Variants in CUBN observed in about 807,000 individuals in gnomAD.
CUBN encodes the protein 460 kDa receptor.
CUBN carries 282 observed loss-of-function variants against 405.3 expected under a neutral mutation model. The observed-to-expected ratio is 0.70, with a 90% CI of 0.63 to 0.77. The LOEUF is 0.77. CUBN is among the 30% of genes least tolerant of loss of function. The pLI, the probability that CUBN is intolerant of heterozygous loss-of-function variation, is 0.00. For missense variants in CUBN, 4,514 were observed against 4,475.2 expected (o/e 1.01, Z -0.25); for synonymous variants, 1,684 against 1,617.0 (o/e 1.04, Z -0.99).
At chr10:16,892,622 G>T (rs1841067981) in intron 54 of CUBN, among the ~76,000 whole-genome samples, 1 of 152,058 alleles carries the variant, frequency 6.6e-6, no homozygotes, top group African/African-American at 2.4e-5. Flanking sequence ...CTCCCAAGTA[G>T]CTGGGACTAC....
intron 6 of CUBN, among the ~76,000 whole-genome samples, chr10:17,117,086 T>C (rs908127043): frequency 3.3e-5 from 5 of 152,076 alleles, no homozygotes; most frequent in Non-Finnish European, 5.9e-5. Context: ...AAAATAACAA[T>C]AAATGATTAA....
intron 21 of CUBN, among the ~76,000 whole-genome samples, 154 bp from the exon 22 acceptor site, chr10:17,065,792 T>G (rs1445530783): frequency 6.6e-6 from 1 of 152,170 alleles, no homozygotes; most frequent in African/African-American, 2.4e-5. Flanking sequence ...CAAAAAAGAT[T>G]TGCAAACTTA....
In CUBN at chr10:16,831,356, G is replaced by A; in HGVS notation, c.10424C>T (p.Pro3475Leu). The A allele has an allele frequency of 1.2e-6, 2 of 1,613,946 alleles. No homozygotes were observed. Among genetic ancestry groups the A allele is most frequent in the Non-Finnish European group, 1.7e-6 (2 of 1,179,840 alleles). The stretch of plus-strand genomic sequence containing the variant: ...ATTATTTTGAGAGAAGACAGGGTTT[G>A]GCAGCAGAGTTCCACAGTACTTGCC... Reference protein sequence around the residue: ...LLGKYCGTLLPNPVFSQNNEL... With the variant: ...LLGKYCGTLLLNPVFSQNNEL... Residue 3475 changes from proline to leucine, a missense_variant, in exon 65 of 67, where the codon CCA (proline) becomes CTA (leucine). Pro to Leu is a moderately conservative substitution (Grantham distance 98). Coordinates refer to ENST00000377833, the MANE Select transcript of CUBN (RefSeq NM_001081.4).
chr10:17,072,477 T>C (rs1278649399), intron 17 of CUBN, among the ~76,000 whole-genome samples: 2 of 152,076 alleles, frequency 1.3e-5, no homozygotes, highest in Non-Finnish European at 2.9e-5. Context: ...CACACACCTA[T>C]TATCTGAGCA....
intron 61 of CUBN, 45 bp downstream of exon 61, chr10:16,840,840 T>C (rs1375258489): frequency 6.6e-7 from 1 of 1,512,620 alleles, no homozygotes; most frequent in Non-Finnish European, 9.2e-7. Flanking sequence ...AGTGCATAAA[T>C]ACATGTGTAT....
rs75668056 is a variant in CUBN, at chr10:17,020,311, G to T, written c.4018-328C>A. ...GCATTCACATATTAACAACACATAG[G>T]GGGGCTCAATGAATAGCAGCTATTA... On this transcript the variant is annotated intron_variant, in intron 27 of 66. Transcript: ENST00000377833. Among the ~76,000 whole-genome samples, 958 of 152,102 alleles carry T rather than the reference G, an allele frequency of 6.3e-3. 10 individuals are homozygous for T. The highest frequency in any genetic ancestry group is 0.021 in the African/African-American group (859 of 41,480).
intron 28 of CUBN, among the ~76,000 whole-genome samples, chr10:16,995,372 T>C (rs765616773): frequency 2.6e-5 from 4 of 152,256 alleles, no homozygotes; most frequent in Non-Finnish European, 5.9e-5. Context: ...CTTTCATCTA[T>C]AGCTGTATGA....
At chr10:16,969,048 C>T (rs978659365) in intron 31 of CUBN, among the ~76,000 whole-genome samples, 17 of 152,228 alleles carry the variant, frequency 1.1e-4, no homozygotes, top group Non-Finnish European at 1.5e-4. Flanking sequence ...TCCCTTTTCT[C>T]ATTATAGCAG....
chr10:17,100,084 A>T lies in CUBN; in HGVS notation c.1686T>A (p.Asn562Lys). 1 of 1,614,028 alleles carries T rather than the reference A, an allele frequency of 6.2e-7. No individual in the cohort carries two copies. Residue 562 changes from asparagine to lysine, a missense_variant, in exon 14 of 67, where the codon AAT becomes AAA. Physicochemically the swap from Asn to Lys is moderately conservative, Grantham distance 94 (BLOSUM62 0). This residue lies in a region of CUBN where 1,448 missense variants were observed against 1,388.0 expected (regional missense o/e 1.04). Transcript: ENST00000377833. ...CAGAATAGAGATGAAAATAGAGAGC[A>T]TTGTCACTGCTGAGGAGTTCATGAG... is the stretch of plus-strand genomic sequence containing the variant. ...SLPHELLSSD[N>K]ALYFHLYSEH...
chr10:17,054,245 C>A (rs1284564039), intron 22 of CUBN, among the ~76,000 whole-genome samples: 1 of 149,058 alleles, frequency 6.7e-6, no homozygotes, highest in African/African-American at 2.5e-5. Flanking sequence ...GCAGGAGAAT[C>A]ACTTGAAACC....
At chr10:16,872,710 G>T (rs1215581847) in intron 58 of CUBN, among the ~76,000 whole-genome samples, 1 of 152,140 alleles carries the variant, frequency 6.6e-6, no homozygotes, top group African/African-American at 2.4e-5. Context: ...AAAGCAACCT[G>T]AACAGAACAA....
intron 10 of CUBN, among the ~76,000 whole-genome samples, chr10:17,107,658 T>C (rs1293271326): frequency 6.6e-6 from 1 of 151,974 alleles, no homozygotes; most frequent in African/African-American, 2.4e-5. Flanking sequence ...CCACCACGCC[T>C]GGCTAATTTT....
chr10:16,923,148 T>C lies in CUBN; in HGVS notation c.6646+2093A>G, dbSNP rs146956309. ...CCACCGTGCCCAGCCTTATATCATG[T>C]TCTAATTGTGCCTTTGCTTGTCTGT... On this transcript the variant is annotated intron_variant, in intron 43 of 66. Coordinates refer to ENST00000377833, the MANE Select transcript of CUBN (RefSeq NM_001081.4). Among the ~76,000 whole-genome samples, 259 of 152,114 alleles carry C rather than the reference T, an allele frequency of 1.7e-3. 3 individuals carry two copies. Among genetic ancestry groups the C allele is most frequent in the African/African-American group, 6.0e-3 (251 of 41,512 alleles).
chr10:17,024,716 G>A (rs1319418172), intron 27 of CUBN, among the ~76,000 whole-genome samples: 1 of 151,982 alleles, frequency 6.6e-6, no homozygotes, highest in African/African-American at 2.4e-5. Flanking sequence ...ATGTTGCCCA[G>A]GCTGGTCTCG....
rs550781850 is a variant in CUBN, at chr10:16,947,215, C to T, written c.5342+20G>A. The T allele has an allele frequency of 1.2e-5, 20 of 1,613,444 alleles. No homozygotes were observed. Among genetic ancestry groups the T allele is most frequent in the African/African-American group, 2.7e-5 (2 of 74,996 alleles). ...CAGATTCATTAGCACTGAAACAATA[C>T]ACCATAAAAAAGGATTTACATAAAA... On this transcript the variant is annotated intron_variant, in intron 36 of 66. Transcript: ENST00000377833.
intron 59 of CUBN, among the ~76,000 whole-genome samples, chr10:16,852,177 TTCCC>T (rs1287847595): frequency 3.7e-5 from 3 of 80,126 alleles, no homozygotes; most frequent in East Asian, 4.5e-4. Context: ...CCCTCTATCT[TTCCC>T]TCCCTCCCTC....
intron 62 of CUBN, among the ~76,000 whole-genome samples, chr10:16,838,378 G>T (rs1368086081): frequency 1.3e-5 from 2 of 152,170 alleles, no homozygotes; most frequent in Non-Finnish European, 2.9e-5. Context: ...AACTGGGGAG[G>T]GTTAGTTGCT....
intron 48 of CUBN, among the ~76,000 whole-genome samples, chr10:16,910,536 T>C (rs1333130639): frequency 1.3e-5 from 2 of 152,132 alleles, no homozygotes; most frequent in African/African-American, 2.4e-5. Context: ...ATTTGTAGGT[T>C]TGCAGGTTTT....
Position 17,047,351 on chromosome 10 carries a change from G to A in CUBN, c.3329+63C>T, listed in dbSNP as rs940639437. 14 of 1,349,772 alleles carry A rather than the reference G, an allele frequency of 1.0e-5. No individual in the cohort carries two copies. The African/African-American group carries it at 2.1e-4, about 20-fold the overall frequency. 83.6% of individuals were successfully genotyped at this position (1,349,772 alleles called of 1,614,324 possible). A position where few individuals can be genotyped will look rare whatever the true frequency, so the allele number is the denominator to read the frequency against. On this transcript the variant is annotated intron_variant, in intron 23 of 66. Transcript: ENST00000377833. ...CATATTTTTTTCCTTAATCTTCCTA[G>A]GAAAGATTATTAATGAGAATAAATA...
Sources: gnomAD v4.1 joint callset for allele counts (sites outside exome capture counted in the v4.1 genomes callset) on GRCh38, gnomAD v4.1.1 for gene constraint, gnomAD v4.1.1 regional missense constraint, MANE v1.5 for transcripts, NCBI Gene and HGNC (gene_info 2026-07-23, HGNC 2026-07-21) for gene names.